The following NUP155 variants were observed in gnomAD, a reference collection of about 807,000 sequenced individuals.
The protein encoded by NUP155 is nucleoporin 155.
In NUP155, 71 loss-of-function variants were observed where a neutral mutation model predicts 180.4. The observed-to-expected ratio is 0.39, with a 90% CI of 0.33 to 0.48. The LOEUF (loss-of-function observed/expected upper bound fraction) is 0.48, where lower values mean the gene tolerates loss of function less well. Ranked by LOEUF, NUP155 falls within the 20% of genes least tolerant of loss-of-function variation. The pLI is 0.91. For missense variants in NUP155, 1,553 were observed against 1,648.9 expected, an observed-to-expected ratio of 0.94 and a Z score of 1.01; for synonymous variants, 582 against 559.5, an observed-to-expected ratio of 1.04 and a Z score of -0.57.
chr5:37,367,258 T>G, intron 1 of NUP155, among the ~76,000 whole-genome samples: 1 of 151,858 alleles, frequency 6.6e-6, no homozygotes, highest in Admixed American at 6.6e-5. Context: ...GCTCTCGCTC[T>G]GTCGCCCAGG....
At chr5:37,339,491 G>C (rs1038588224) in intron 11 of NUP155, among the ~76,000 whole-genome samples, 9 of 151,968 alleles carry the variant, frequency 5.9e-5, no homozygotes, top group African/African-American at 2.2e-4. Flanking sequence ...AGCCAGGAGT[G>C]GTGGCACATG....
At chr5:37,368,202 G>A (rs983205834) in intron 1 of NUP155, among the ~76,000 whole-genome samples, 3 of 140,530 alleles carry the variant, frequency 2.1e-5, no homozygotes, top group African/African-American at 8.3e-5. Context: ...GAGGCACAGC[G>A]CCAGGCCTTT....
chr5:37,334,799 A>G (rs1314795944), intron 12 of NUP155, among the ~76,000 whole-genome samples: 2 of 152,202 alleles, frequency 1.3e-5, no homozygotes, highest in East Asian at 3.9e-4. Flanking sequence ...TCTCTTAACC[A>G]AGTAACTACC....
rs202194194 is a variant in NUP155, at chr5:37,291,910, C to T, written c.4166G>A (p.Arg1389Gln). 3.2e-5 allele frequency: 51 copies of T among 1,613,756 alleles called. No individual in the cohort carries two copies. The highest frequency in any genetic ancestry group is 1.6e-4 in the Middle Eastern group (1 of 6,062). Residue 1389 changes from arginine (R) to glutamine (Q), a missense_variant, in exon 35 of 35, where the codon CGG (arginine) becomes CAG (glutamine). Physicochemically the swap from Arg to Gln is conservative, Grantham distance 43. Coordinates refer to ENST00000231498, the MANE Select transcript of NUP155 (RefSeq NM_153485.3). ...AGTATATCACAGTAATTAATGAAGCCGTTCTAATTTAGCTTGAAGAGATTT... is the reference window on the plus strand; with the variant it reads ...AGTATATCACAGTAATTAATGAAGCTGTTCTAATTTAGCTTGAAGAGATTT... ...NFKSLQAKLE[R>Q]LH
At chr5:37,370,679 G>A in intron 1 of NUP155, 142 bp downstream of exon 1, 1 of 1,605,816 alleles carries the variant, frequency 6.2e-7, no homozygotes, top group Non-Finnish European at 8.5e-7. Context: ...AAAAGAAGCT[G>A]CTTGCTGTTC....
intron 1 of NUP155, among the ~76,000 whole-genome samples, chr5:37,367,887 G>A (rs530660665): frequency 2.0e-5 from 3 of 151,960 alleles, no homozygotes; most frequent in Admixed American, 6.6e-5. Flanking sequence ...TGGTTCAAGC[G>A]ATTGTCCTGC....
chr5:37,359,751 T>C (rs1747076427), intron 3 of NUP155, among the ~76,000 whole-genome samples: 2 of 152,178 alleles, frequency 1.3e-5, no homozygotes, highest in South Asian at 4.1e-4. Context: ...AAGTAATCAA[T>C]AGAACCAGAC....
At chr5:37,352,274 C>A (rs2111604331) in intron 5 of NUP155, among the ~76,000 whole-genome samples, 1 of 152,270 alleles carries the variant, frequency 6.6e-6, no homozygotes, top group East Asian at 1.9e-4. Context: ...AGGAGAATCG[C>A]TTGAACCTGG....
Position 37,370,924 on chromosome 5 carries a change from G to A in NUP155, c.54C>T (p.Ala18=). The A allele has an allele frequency of 6.2e-7, 1 of 1,614,166 alleles. No homozygotes were observed. The highest frequency in any genetic ancestry group is 2.2e-5 in the East Asian group (1 of 44,890). Residue 18 remains alanine, a synonymous_variant, in exon 1 of 35, where the codon GCC becomes GCT. Transcript: ENST00000231498. ...CAGCATTTTCCAGAGCTTCCTGCAG[G>A]GCTGCGGCAGATGTAGAGGCCGGCA... ...AAMPASTSAA[A]LQEALENAGR... is the part of the protein sequence containing the mutation.
chr5:37,364,289 G>A lies in NUP155; in HGVS notation c.253C>T (p.Arg85Ter). 1 of 1,612,706 alleles carries A rather than the reference G, an allele frequency of 6.2e-7. No homozygotes were observed. The highest frequency in any genetic ancestry group is 8.5e-7 in the Non-Finnish European group (1 of 1,178,748). Residue 85 changes from arginine (R) to a stop codon, truncating the protein, a stop_gained, in exon 2 of 35, where the codon CGA (arginine) becomes TGA (stop). Transcript: ENST00000231498. LOFTEE classifies it high-confidence loss of function. ...AGTTCAGGTGGGAGAGGAACTCTTC[G>A]GATGGAACTGATCTCTGGAAGGTTG... is the stretch of plus-strand genomic sequence containing the variant. ...VPNLPEISSIRRVPLPPELVE... is the reference protein window; with the variant it reads ...VPNLPEISSI
At chr5:37,301,576 C>G (rs1437264468) in intron 29 of NUP155, 26 bp from the exon 30 acceptor site, 1 of 1,321,788 alleles carries the variant, frequency 7.6e-7, no homozygotes, top group African/African-American at 1.4e-5. Context: ...AACAGGATGT[C>G]TTAATTTATT....
intron 1 of NUP155, among the ~76,000 whole-genome samples, chr5:37,366,128 C>G (rs1460583434): frequency 1.3e-5 from 2 of 152,132 alleles, no homozygotes; most frequent in East Asian, 1.9e-4. Context: ...CAACCTTTCT[C>G]TTGCTCTAAG....
chr5:37,330,217 G>GT lies in NUP155; in HGVS notation c.1630-86dup. 3.3e-6 allele frequency: 3 copies of GT among 918,632 alleles called. No individual in the cohort carries two copies. The South Asian group carries it at 4.2e-5, about 13-fold the overall frequency. The allele number at this position is 918,632 out of a possible 1,614,324, so 56.9% of individuals were successfully genotyped here. A position where few individuals can be genotyped will look rare whatever the true frequency, so the allele number is the denominator to read the frequency against. ...ACTGCTAGATGCAGTATTAAAGTCT[G>GT]TATCTAGCACAGAGCAGGCATTCAA... On this transcript the variant is annotated intron_variant, in intron 14 of 34. Transcript: ENST00000231498.
intron 24 of NUP155, among the ~76,000 whole-genome samples, chr5:37,308,420 C>G (rs945920440): frequency 6.6e-6 from 1 of 151,782 alleles, no homozygotes; most frequent in Admixed American, 6.6e-5. Flanking sequence ...GGGCAATGGC[C>G]GGGCGCGGTG....
chr5:37,312,232 T>C (rs1031707785), intron 22 of NUP155, among the ~76,000 whole-genome samples: 1 of 152,080 alleles, frequency 6.6e-6, no homozygotes, highest in Non-Finnish European at 1.5e-5. Flanking sequence ...CTTCTAACAG[T>C]CTGATGAATA....
chr5:37,315,364 T>A (rs2150953047), intron 21 of NUP155, among the ~76,000 whole-genome samples: 1 of 152,374 alleles, frequency 6.6e-6, no homozygotes, highest in South Asian at 2.1e-4. Flanking sequence ...TGTTCTAACT[T>A]GTATCTGGAA....
chr5:37,352,908 T>C, intron 4 of NUP155, 79 bp from the exon 5 acceptor site: 1 of 923,946 alleles, frequency 1.1e-6, no homozygotes, highest in African/African-American at 1.6e-5. Flanking sequence ...ACCATTAAAG[T>C]GAGCTACTAA....
In NUP155 at chr5:37,328,439, A is replaced by T; in HGVS notation, c.1814-19T>A. Reference sequence around the variant, plus strand: ...GGAGAACCTAAAAAGGGAAAGAAGAATATAAAGATTTAGAAAAGAACATCT... The same window carrying T: ...GGAGAACCTAAAAAGGGAAAGAAGATTATAAAGATTTAGAAAAGAACATCT... On this transcript the variant is annotated intron_variant, in intron 16 of 34. Coordinates refer to ENST00000231498, the MANE Select transcript of NUP155 (RefSeq NM_153485.3). 1 of 1,527,524 alleles carries T rather than the reference A, an allele frequency of 6.5e-7. No homozygotes were observed. The highest frequency in any genetic ancestry group is 1.7e-5 in the Admixed American group (1 of 59,726). The allele number at this position is 1,527,524 out of a possible 1,614,324, so 94.6% of individuals were successfully genotyped here. A position where few individuals can be genotyped will look rare whatever the true frequency, so the allele number is the denominator to read the frequency against.
intron 1 of NUP155, among the ~76,000 whole-genome samples, chr5:37,365,476 G>A (rs1475733118): frequency 6.6e-6 from 1 of 151,584 alleles, no homozygotes; most frequent in Non-Finnish European, 1.5e-5. Flanking sequence ...GGGAGGCAGA[G>A]GCAAGCCGAT....
Sources: gnomAD v4.1 joint callset for allele counts (sites outside exome capture counted in the v4.1 genomes callset) on GRCh38, gnomAD v4.1.1 for gene constraint, MANE v1.5 for transcripts, NCBI Gene and HGNC (gene_info 2026-07-23, HGNC 2026-07-21) for gene names.